LRBA: variants seen among roughly 807,000 people sequenced by gnomAD.
LRBA encodes the protein lipopolysaccharide-responsive and beige-like anchor protein.
In LRBA, 176 loss-of-function variants were observed where a neutral mutation model predicts 330.0. The observed-to-expected ratio is 0.53, with a 90% confidence interval of 0.47 to 0.60. The LOEUF (loss-of-function observed/expected upper bound fraction) is 0.60. Among genes scored for constraint, LRBA ranks in the 20% least tolerant of loss-of-function variants. The pLI is 0.00. For missense variants in LRBA, 3,259 were observed against 3,444.8 expected (o/e 0.95, Z 1.35); for synonymous variants, 1,230 against 1,193.0 (o/e 1.03, Z -0.64).
intron 28 of LRBA, among the ~76,000 whole-genome samples, chr4:150,834,587 G>A (rs1212921912): frequency 6.6e-6 from 1 of 152,182 alleles, no homozygotes; most frequent in East Asian, 1.9e-4. Context: ...GTAAGCAGAT[G>A]CGCTCTTATC....
intron 31 of LRBA, among the ~76,000 whole-genome samples, chr4:150,812,557 T>C (rs1327448887): frequency 6.6e-6 from 1 of 152,186 alleles, no homozygotes; most frequent in Non-Finnish European, 1.5e-5. Flanking sequence ...CCTGGGATAG[T>C]CTACATGCCC....
chr4:150,342,499 T>C (rs1278248734), intron 48 of LRBA, among the ~76,000 whole-genome samples: 4 of 152,184 alleles, frequency 2.6e-5, no homozygotes, highest in African/African-American at 9.6e-5. Context: ...GTGTGTGATA[T>C]ATGTAAATGC....
chr4:150,534,167 T>C (rs200748758), intron 40 of LRBA, among the ~76,000 whole-genome samples: 1 of 151,628 alleles, frequency 6.6e-6, no homozygotes, highest in East Asian at 1.9e-4. Context: ...AGATAATATA[T>C]AATAATTACA....
chr4:150,473,241 ATCT>A (rs1756351762), intron 42 of LRBA, among the ~76,000 whole-genome samples: 1 of 152,170 alleles, frequency 6.6e-6, no homozygotes, highest in South Asian at 2.1e-4. Flanking sequence ...TCATTTGTAT[ATCT>A]TCTTCGGTGA....
chr4:150,335,300 T>C (rs944145246), intron 48 of LRBA, among the ~76,000 whole-genome samples: 3 of 151,750 alleles, frequency 2.0e-5, no homozygotes, highest in African/African-American at 4.8e-5. Context: ...ACACCTGACA[T>C]AGAAACTAGT....
intron 37 of LRBA, among the ~76,000 whole-genome samples, chr4:150,632,887 GT>G (rs372598264): frequency 3.3e-5 from 5 of 152,264 alleles, no homozygotes; most frequent in African/African-American, 1.2e-4. Flanking sequence ...AAGCTCTGTA[GT>G]TTTTATACCT....
intron 40 of LRBA, among the ~76,000 whole-genome samples, chr4:150,506,381 G>A (rs1424764821): frequency 1.3e-5 from 2 of 152,160 alleles, no homozygotes; most frequent in Non-Finnish European, 2.9e-5. Context: ...TATCCACCAT[G>A]ATCAAGTGGG....
Position 150,921,270 on chromosome 4 carries a change from C to A in LRBA, c.573G>T (p.Leu191=). 1 of 1,611,300 alleles carries A rather than the reference C, an allele frequency of 6.2e-7. No individual in the cohort carries two copies. The highest frequency in any genetic ancestry group is 2.2e-5 in the East Asian group (1 of 44,848). The part of the protein sequence containing the change: ...GRWPPHAGKL[L]SVLKHMPQKY... ...TCTGAGGCATATGCTTTAACACAGACAGCAACTTCCCAGCATGTGGAGGCT... is the reference window on the plus strand; with the variant it reads ...TCTGAGGCATATGCTTTAACACAGAAAGCAACTTCCCAGCATGTGGAGGCT... The change falls in exon 5 of 57, where the codon CTG becomes CTT. Residue 191 remains leucine (L), a synonymous_variant. Coordinates refer to ENST00000651943, the MANE Select transcript of LRBA (RefSeq NM_001364905.1).
intron 5 of LRBA, among the ~76,000 whole-genome samples, chr4:150,917,402 T>G (rs1732753589): frequency 6.6e-6 from 1 of 152,020 alleles, no homozygotes; most frequent in African/African-American, 2.4e-5. Flanking sequence ...TGATGAAATT[T>G]TAAGGTATTA....
chr4:150,864,033 G>A (rs1752353990), intron 22 of LRBA, among the ~76,000 whole-genome samples: 1 of 152,052 alleles, frequency 6.6e-6, no homozygotes, highest in Non-Finnish European at 1.5e-5. Context: ...CACCTCCTGG[G>A]TTCAAGCGAT....
chr4:150,328,508 G>C (rs1561021066), intron 48 of LRBA, among the ~76,000 whole-genome samples: 1 of 151,966 alleles, frequency 6.6e-6, no homozygotes, highest in Non-Finnish European at 1.5e-5. Context: ...ATGGAGATAG[G>C]GTTATTCAAC....
intron 15 of LRBA, 29 bp downstream of exon 15, chr4:150,897,710 A>G: frequency 6.9e-7 from 1 of 1,446,338 alleles, no homozygotes; most frequent in Non-Finnish European, 9.7e-7. Flanking sequence ...AATACACGGT[A>G]TGCTATGGAA....
In LRBA at chr4:150,378,430, T is replaced by C. The variant is rs1741694200; in HGVS notation, c.7195-28271A>G. Among the ~76,000 whole-genome samples, 4 of 152,378 alleles carry C rather than the reference T, an allele frequency of 2.6e-5. No homozygotes were observed. The South Asian group carries it at 8.3e-4, about 32-fold the overall frequency. ...TTCCAGATGAAAATGAAAAATACTTTTATTAATGGCTTTTATTATTTTTAA... is the reference window on the plus strand; with the variant it reads ...TTCCAGATGAAAATGAAAAATACTTCTATTAATGGCTTTTATTATTTTTAA... On this transcript the variant is annotated intron_variant, in intron 47 of 56. Transcript: ENST00000651943.
intron 37 of LRBA, among the ~76,000 whole-genome samples, chr4:150,664,804 G>C (rs1781428029): frequency 6.6e-6 from 1 of 152,106 alleles, no homozygotes; most frequent in Non-Finnish European, 1.5e-5. Flanking sequence ...CTCATGAATA[G>C]ATTACAACCT....
intron 52 of LRBA, among the ~76,000 whole-genome samples, chr4:150,306,283 T>C (rs1730347979): frequency 6.6e-6 from 1 of 152,200 alleles, no homozygotes; most frequent in Non-Finnish European, 1.5e-5. Flanking sequence ...GAAGGATTTT[T>C]TTTTTTGGCT....
At chr4:150,857,427 C>T (rs904781721) in intron 22 of LRBA, among the ~76,000 whole-genome samples, 1 of 152,168 alleles carries the variant, frequency 6.6e-6, no homozygotes, top group African/African-American at 2.4e-5. Flanking sequence ...AACTTCTAAT[C>T]TTTTCATTTT....
At position 150,928,582 on chromosome 4, in the gene LRBA, G is replaced by A; in HGVS notation, c.483C>T (p.Ser161=). 6.2e-7 allele frequency: 1 copy of A among 1,613,664 alleles called. No homozygotes were observed. The highest frequency in any genetic ancestry group is 8.5e-7 in the Non-Finnish European group (1 of 1,179,772). Reference sequence around the variant, plus strand: ...TTAGCTCGCGAACTGTCAAATTATAGCTAGCCAGCACTCCCAACATGTCAA... The same window carrying A: ...TTAGCTCGCGAACTGTCAAATTATAACTAGCCAGCACTCCCAACATGTCAA... ...LLVDMLGVLA[S]YNLTVRELKL... The change falls in exon 4 of 57, where the codon AGC becomes AGT. Residue 161 remains serine (S), a synonymous_variant. Coordinates refer to ENST00000651943, the MANE Select transcript of LRBA (RefSeq NM_001364905.1).
chr4:150,492,024 T>G (rs1030358738), intron 40 of LRBA, among the ~76,000 whole-genome samples: 2 of 152,034 alleles, frequency 1.3e-5, no homozygotes, highest in Admixed American at 1.3e-4. Context: ...TGATACTACA[T>G]TGTAGGAATA....
intron 37 of LRBA, among the ~76,000 whole-genome samples, chr4:150,600,862 T>A (rs1428270412): frequency 2.6e-5 from 4 of 152,194 alleles, no homozygotes; most frequent in African/African-American, 9.6e-5. Flanking sequence ...GTGTATGGCT[T>A]TGATAGTCAT....
Sources: allele counts gnomAD v4.1 joint callset (sites outside exome capture counted in the v4.1 genomes callset), GRCh38; gene constraint gnomAD v4.1.1; transcripts MANE v1.5; gene names NCBI Gene and HGNC (gene_info 2026-07-23, HGNC 2026-07-21).